EPHA7: variants seen among roughly 807,000 people sequenced by gnomAD.
The protein encoded by EPHA7 is EPH receptor A7.
EPHA7 carries 25 observed loss-of-function variants against 112.6 expected under a neutral mutation model. The observed-to-expected ratio is 0.22, with a 90% CI of 0.16 to 0.31. The LOEUF is 0.31. EPHA7 is among the 10% of genes least tolerant of loss of function. The pLI is 1.00. For synonymous variants in EPHA7, 437 were observed against 406.5 expected (o/e 1.07, Z -0.90); for missense variants, 962 against 1,212.6 (o/e 0.79, Z 3.07).
chr6:93,375,461 A>G (rs1777008423), intron 3 of EPHA7, among the ~76,000 whole-genome samples: 2 of 151,900 alleles, frequency 1.3e-5, no homozygotes, highest in Non-Finnish European at 2.9e-5. Flanking sequence ...AAAAAAAAAT[A>G]AAAATAAAAA....
At chr6:93,357,134 T>C in intron 4 of EPHA7, 82 bp from the exon 5 acceptor site, 2 of 1,130,546 alleles carry the variant, frequency 1.8e-6, no homozygotes, top group South Asian at 3.3e-5. Context: ...AGGATCTGTG[T>C]GGGGCATTAA....
At chr6:93,264,558 T>A in intron 8 of EPHA7, 36 bp downstream of exon 8, 1 of 1,346,006 alleles carries the variant, frequency 7.4e-7, no homozygotes, top group Non-Finnish European at 1.0e-6. Context: ...AAACAATACA[T>A]TTTATGTTAG....
intron 5 of EPHA7, among the ~76,000 whole-genome samples, chr6:93,281,915 A>T (rs1771760668): frequency 6.6e-6 from 1 of 151,980 alleles, no homozygotes; most frequent in Admixed American, 6.6e-5. Flanking sequence ...CATCAGTATA[A>T]TCCTTCATTT....
intron 5 of EPHA7, among the ~76,000 whole-genome samples, chr6:93,302,107 T>C (rs1773016341): frequency 1.3e-5 from 2 of 152,168 alleles, no homozygotes; most frequent in Non-Finnish European, 2.9e-5. Flanking sequence ...TCTTCTCTTC[T>C]ATAACCTTGA....
chr6:93,374,846 T>G (rs545930816), intron 3 of EPHA7, among the ~76,000 whole-genome samples: 1 of 152,280 alleles, frequency 6.6e-6, no homozygotes, highest in African/African-American at 2.4e-5. Flanking sequence ...TGTAAGAGTG[T>G]TTGGCACACA....
At chr6:93,411,864 C>T (rs1035229763) in intron 2 of EPHA7, among the ~76,000 whole-genome samples, 3 of 151,928 alleles carry the variant, frequency 2.0e-5, no homozygotes, top group Non-Finnish European at 4.4e-5. Context: ...ATGTACATGG[C>T]AAATCTGCAT....
intron 5 of EPHA7, among the ~76,000 whole-genome samples, chr6:93,306,656 C>T (rs1356813076): frequency 1.3e-5 from 2 of 151,932 alleles, no homozygotes; most frequent in Non-Finnish European, 2.9e-5. Flanking sequence ...TTTCACTTTT[C>T]CTGATTTCTA....
At chr6:93,299,261 G>A (rs899120661) in intron 5 of EPHA7, among the ~76,000 whole-genome samples, 4 of 151,894 alleles carry the variant, frequency 2.6e-5, no homozygotes, top group Non-Finnish European at 4.4e-5. Flanking sequence ...GGGAGGCGGA[G>A]CTTGCAGTGA....
chr6:93,384,612 T>C (rs932971142), intron 3 of EPHA7, among the ~76,000 whole-genome samples: 1 of 152,156 alleles, frequency 6.6e-6, no homozygotes, highest in Non-Finnish European at 1.5e-5. Flanking sequence ...CCACTTTTGT[T>C]CATCATGCTC....
chr6:93,350,814 G>C (rs1220872848), intron 5 of EPHA7, among the ~76,000 whole-genome samples: 1 of 151,912 alleles, frequency 6.6e-6, no homozygotes, highest in Admixed American at 6.6e-5. Flanking sequence ...AAAAGTTTAA[G>C]TTAAACCAGG....
chr6:93,371,408 G>A (rs897822898), intron 3 of EPHA7, among the ~76,000 whole-genome samples: 2 of 152,092 alleles, frequency 1.3e-5, no homozygotes, highest in Non-Finnish European at 2.9e-5. Flanking sequence ...GATGTGTATA[G>A]TTTATATGCA....
intron 5 of EPHA7, among the ~76,000 whole-genome samples, chr6:93,322,509 C>A (rs927032849): frequency 6.6e-6 from 1 of 151,512 alleles, no homozygotes; most frequent in Non-Finnish European, 1.5e-5. Flanking sequence ...TTTGCAGAGG[C>A]ATACTCTTCA....
intron 3 of EPHA7, among the ~76,000 whole-genome samples, chr6:93,368,604 T>G (rs916264901): frequency 6.6e-6 from 1 of 152,268 alleles, no homozygotes; most frequent in East Asian, 1.9e-4. Flanking sequence ...TTTTCTCCCA[T>G]AATATATTTA....
intron 13 of EPHA7, 58 bp from the exon 14 acceptor site, chr6:93,254,854 G>T: frequency 7.0e-7 from 1 of 1,436,170 alleles, no homozygotes; most frequent in Non-Finnish European, 9.5e-7. Context: ...TATTATTTAT[G>T]GCAATACCAT....
chr6:93,285,528 G>C lies in EPHA7; in HGVS notation c.1325-13106C>G, dbSNP rs1237140657. ...AACTATTGTAAATTTGCACAGATAA[G>C]AAATCGAAAACAATTCTGTTTTAAT... On this transcript the variant is annotated intron_variant, in intron 5 of 16. Coordinates refer to ENST00000369303, the MANE Select transcript of EPHA7 (RefSeq NM_004440.4). Among the ~76,000 whole-genome samples the C allele has an allele frequency of 2.5e-3, 384 of 152,214 alleles. 5 individuals are homozygous for C. The highest frequency in any genetic ancestry group is 5.8e-4 in the East Asian group (3 of 5,184).
At chr6:93,385,749 ATAAT>A (rs1192037348) in intron 3 of EPHA7, among the ~76,000 whole-genome samples, 4 of 152,138 alleles carry the variant, frequency 2.6e-5, no homozygotes. Flanking sequence ...AGATAGATAG[ATAAT>A]TAGTCTATTT....
chr6:93,339,551 C>A (rs1205331717), intron 5 of EPHA7, among the ~76,000 whole-genome samples: 1 of 151,702 alleles, frequency 6.6e-6, no homozygotes, highest in East Asian at 1.9e-4. Context: ...AAAGAGATTG[C>A]ATTACTTGCC....
At chr6:93,263,993 A>C in intron 8 of EPHA7, 78 bp from the exon 9 acceptor site, 2 of 1,027,696 alleles carry the variant, frequency 1.9e-6, no homozygotes, top group Non-Finnish European at 2.9e-6. Context: ...TACCTTAGTT[A>C]CTCAACAACT....
chr6:93,371,403 G>A (rs1056590719), intron 3 of EPHA7, among the ~76,000 whole-genome samples: 7 of 152,140 alleles, frequency 4.6e-5, no homozygotes, highest in African/African-American at 1.7e-4. Flanking sequence ...AAAAGGATGT[G>A]TATAGTTTAT....
Sources: allele counts gnomAD v4.1 joint callset (sites outside exome capture counted in the v4.1 genomes callset), GRCh38; gene constraint gnomAD v4.1.1; transcripts MANE v1.5; gene names NCBI Gene and HGNC (gene_info 2026-07-23, HGNC 2026-07-21).